Variants in GALNTL6 observed in about 807,000 individuals in gnomAD.
GALNTL6 encodes polypeptide N-acetylgalactosaminyltransferase-like 6.
A neutral mutation model predicts 73.7 loss-of-function variants in GALNTL6; 46 were observed. That is an observed-to-expected ratio of 0.62 (90% confidence interval 0.49 to 0.80). The LOEUF (loss-of-function observed/expected upper bound fraction) is 0.80, where lower values mean the gene tolerates loss of function less well. Ranked by LOEUF, GALNTL6 falls within the 30% of genes least tolerant of loss-of-function variation. The probability of loss-of-function intolerance (pLI) is 0.00; values close to 1 mark genes in which losing one functional copy is unlikely to be tolerated. For synonymous variants in GALNTL6, 259 were observed against 263.7 expected, an observed-to-expected ratio of 0.98 and a Z score of 0.17; for missense variants, 604 against 755.0, an observed-to-expected ratio of 0.80 and a Z score of 2.34.
rs942893170 is a variant in GALNTL6 at position 173,039,985 on chromosome 4, C to T, written c.1691C>T (p.Ala564Val). ...VSNSCMDCNP[A>V]EKKIFMARCD... Reference sequence around the variant, plus strand: ...AACAGCTGCATGGATTGCAACCCCGCAGAGAAGAAGATTTTCATGGCCAGA... The same window carrying T: ...AACAGCTGCATGGATTGCAACCCCGTAGAGAAGAAGATTTTCATGGCCAGA... The change falls in exon 13 of 13, where the codon GCA becomes GTA. Residue 564 changes from alanine (A) to valine (V), a missense_variant. Ala to Val is a moderately conservative substitution (Grantham distance 64). Transcript: ENST00000506823. 3 of 1,613,688 alleles carry T rather than the reference C, an allele frequency of 1.9e-6. No individual in the cohort carries two copies. Among genetic ancestry groups the T allele is most frequent in the Non-Finnish European group, 2.5e-6 (3 of 1,179,718 alleles).
intron 7 of GALNTL6, among the ~76,000 whole-genome samples, chr4:172,867,130 A>G (rs1354944908): frequency 1.3e-5 from 2 of 152,182 alleles, no homozygotes; most frequent in Non-Finnish European, 1.5e-5. Flanking sequence ...ACATTCATTA[A>G]TTTGTTGCCC....
chr4:172,948,640 T>A (rs1749292283), intron 9 of GALNTL6, among the ~76,000 whole-genome samples: 1 of 146,014 alleles, frequency 6.8e-6, no homozygotes, highest in Non-Finnish European at 1.5e-5. Context: ...TTTTTGTATT[T>A]TTACATAAAA....
intron 5 of GALNTL6, among the ~76,000 whole-genome samples, chr4:172,491,739 A>T (rs188487221): frequency 0.015 from 2,324 of 152,250 alleles, 35 homozygotes; most frequent in Middle Eastern, 0.024. Context: ...AGGACTTTTT[A>T]AAAATTATCT....
At chr4:172,739,051 G>A (rs189670103) in intron 5 of GALNTL6, among the ~76,000 whole-genome samples, 5 of 152,150 alleles carry the variant, frequency 3.3e-5, no homozygotes, top group African/African-American at 1.2e-4. Context: ...CTGTGTTAAT[G>A]TTAATGCTGA....
At chr4:172,566,735 G>A (rs1239122387) in intron 5 of GALNTL6, among the ~76,000 whole-genome samples, 1 of 151,358 alleles carries the variant, frequency 6.6e-6, no homozygotes, top group Admixed American at 6.6e-5. Flanking sequence ...AAAATAAATG[G>A]AACTAAAAAA....
chr4:172,040,826 A>T (rs1011965364), intron 2 of GALNTL6, among the ~76,000 whole-genome samples: 3 of 152,100 alleles, frequency 2.0e-5, no homozygotes, highest in Non-Finnish European at 2.9e-5. Flanking sequence ...ATTTGTTATT[A>T]TCTTAGAATA....
At chr4:172,361,200 G>T (rs1354042219) in intron 5 of GALNTL6, among the ~76,000 whole-genome samples, 2 of 152,070 alleles carry the variant, frequency 1.3e-5, no homozygotes, top group Non-Finnish European at 2.9e-5. Flanking sequence ...GTTAGTTTTA[G>T]TGAAAACTCA....
intron 2 of GALNTL6, among the ~76,000 whole-genome samples, chr4:172,156,530 A>G (rs1196183149): frequency 2.9e-5 from 3 of 103,270 alleles, no homozygotes; most frequent in African/African-American, 8.6e-5. Flanking sequence ...TTAAATATAC[A>G]TATATATATA....
At chr4:172,628,752 G>A (rs1287500920) in intron 5 of GALNTL6, among the ~76,000 whole-genome samples, 4 of 152,098 alleles carry the variant, frequency 2.6e-5, no homozygotes, top group Non-Finnish European at 5.9e-5. Context: ...CCAAAGTGAA[G>A]TTTTTGGAAT....
rs891525617 is a variant in GALNTL6, at chr4:172,294,912, A to G, written c.248-16702A>G. Among the ~76,000 whole-genome samples the G allele has an allele frequency of 2.6e-5, 4 of 152,332 alleles. No homozygotes were observed. The East Asian group carries it at 5.8e-4, about 22-fold the overall frequency. ...TAGAATACTAAAATTTCTATACAACATGTATATTTTAAACACAGCTAATTA... is the reference window on the plus strand; with the variant it reads ...TAGAATACTAAAATTTCTATACAACGTGTATATTTTAAACACAGCTAATTA... On this transcript the variant is annotated intron_variant, in intron 3 of 12. Transcript: ENST00000506823.
intron 2 of GALNTL6, among the ~76,000 whole-genome samples, chr4:171,976,393 A>ACTATCT (rs562526971): frequency 1.0e-3 from 157 of 152,388 alleles, no homozygotes; most frequent in Non-Finnish European, 1.9e-3. Context: ...ACATGTATTG[A>ACTATCT]CTATCTCTGC....
At chr4:171,898,714 T>C (rs1736996122) in intron 2 of GALNTL6, among the ~76,000 whole-genome samples, 1 of 152,088 alleles carries the variant, frequency 6.6e-6, no homozygotes. Flanking sequence ...GTGCAAAATA[T>C]AAAAGGTGTT....
chr4:172,106,549 T>A (rs1054641793), intron 2 of GALNTL6, among the ~76,000 whole-genome samples: 3 of 152,148 alleles, frequency 2.0e-5, no homozygotes, highest in Admixed American at 6.5e-5. Flanking sequence ...TCAAAGGAAA[T>A]ATAGAACCCT....
intron 3 of GALNTL6, among the ~76,000 whole-genome samples, chr4:172,302,037 G>C (rs1036476839): frequency 1.3e-5 from 2 of 152,172 alleles, no homozygotes; most frequent in Admixed American, 6.5e-5. Context: ...ATTCCCAGCC[G>C]CTTTGTTTAC....
At chr4:172,883,685 C>G (rs1745573265) in intron 8 of GALNTL6, among the ~76,000 whole-genome samples, 2 of 152,152 alleles carry the variant, frequency 1.3e-5, no homozygotes, top group South Asian at 4.2e-4. Flanking sequence ...GACAAACAAC[C>G]AAATTATATC....
intron 10 of GALNTL6, among the ~76,000 whole-genome samples, chr4:172,998,636 T>C: frequency 6.6e-6 from 1 of 152,172 alleles, no homozygotes. Flanking sequence ...CTCTGGTGAC[T>C]TCCTTATTGC....
intron 2 of GALNTL6, among the ~76,000 whole-genome samples, chr4:172,090,573 G>C (rs1391044892): frequency 2.0e-5 from 3 of 151,904 alleles, no homozygotes; most frequent in African/African-American, 7.3e-5. Flanking sequence ...ATTTTTTTAA[G>C]TTCTTAAGGT....
At chr4:172,134,364 A>C (rs11942843) in intron 2 of GALNTL6, among the ~76,000 whole-genome samples, 1,529 of 150,120 alleles carry the variant, frequency 0.01, 26 homozygotes, top group African/African-American at 0.035. Flanking sequence ...CAGCCTGGGC[A>C]ACAGAGCGAG....
chr4:172,678,668 A>G (rs988928435), intron 5 of GALNTL6, among the ~76,000 whole-genome samples: 1 of 152,184 alleles, frequency 6.6e-6, no homozygotes, highest in Admixed American at 6.5e-5. Context: ...AGCATAAATA[A>G]TTGTGCTAAA....
Sources: allele counts gnomAD v4.1 joint callset (sites outside exome capture counted in the v4.1 genomes callset), GRCh38; gene constraint gnomAD v4.1.1; transcripts MANE v1.5; gene names NCBI Gene and HGNC (gene_info 2026-07-23, HGNC 2026-07-21).